PTPDC1: variants seen among roughly 807,000 people sequenced by gnomAD.
The protein encoded by PTPDC1 is protein tyrosine phosphatase domain containing 1.
In PTPDC1, 53 loss-of-function variants were observed where a neutral mutation model predicts 75.3. That is an observed-to-expected ratio of 0.70 (90% CI 0.56 to 0.88). The LOEUF (loss-of-function observed/expected upper bound fraction) is 0.88, where lower values mean the gene tolerates loss of function less well. Among genes scored for constraint, PTPDC1 ranks in the 40% least tolerant of loss-of-function variants. PTPDC1 has a pLI of 0.00. For missense variants in PTPDC1, 925 were observed against 998.6 expected (o/e 0.93, Z 0.99); for synonymous variants, 349 against 366.2 (o/e 0.95, Z 0.54).
Position 94,098,430 on chromosome 9 carries a change from A to G in PTPDC1, c.1864A>G (p.Ser622Gly), listed in dbSNP as rs1024244844. Reference sequence around the variant, plus strand: ...CTTGGTTGAACATGAAACCCAGGACAGTAAAGATCTGTCTGAAGCAGCTTC... The same window carrying G: ...CTTGGTTGAACATGAAACCCAGGACGGTAAAGATCTGTCTGAAGCAGCTTC... Reference protein sequence around the residue: ...QFLVEHETQDSKDLSEAASHS... With the variant: ...QFLVEHETQDGKDLSEAASHS... Residue 622 changes from serine to glycine, a missense_variant, in exon 6 of 9, where the codon AGT becomes GGT. Ser to Gly is a moderately conservative substitution (Grantham distance 56). Coordinates refer to ENST00000620992, the MANE Select transcript of PTPDC1 (RefSeq NM_001253829.2). 1.2e-6 allele frequency: 2 copies of G among 1,614,102 alleles called. No homozygotes were observed. Among genetic ancestry groups the G allele is most frequent in the African/African-American group, 2.7e-5 (2 of 74,928 alleles).
chr9:94,096,772 G>A (rs991892719), intron 5 of PTPDC1, among the ~76,000 whole-genome samples: 4 of 152,152 alleles, frequency 2.6e-5, no homozygotes, highest in African/African-American at 9.7e-5. Context: ...AGAAAAGTAG[G>A]CTGCAAATAT....
chr9:94,087,715 T>C (rs1410287678), intron 2 of PTPDC1, 116 bp from the exon 3 acceptor site: 1 of 703,296 alleles, frequency 1.4e-6, no homozygotes, highest in Non-Finnish European at 2.5e-6. Flanking sequence ...AAAAAGAATA[T>C]TCTAACAGAG....
At chr9:94,088,384 T>C in intron 4 of PTPDC1, 121 bp downstream of exon 4, 1 of 1,173,600 alleles carries the variant, frequency 8.5e-7, no homozygotes, top group South Asian at 1.7e-5. Context: ...ATAGTAAGGT[T>C]TAGAAAAAAT....
At chr9:94,070,336 C>CATAT (rs1826470089) in intron 2 of PTPDC1, among the ~76,000 whole-genome samples, 1 of 152,196 alleles carries the variant, frequency 6.6e-6, no homozygotes, top group Non-Finnish European at 1.5e-5. Flanking sequence ...GGCCCCACAG[C>CATAT]ATATGCCATG....
rs1353778992 is a variant in PTPDC1 at position 94,105,785 on chromosome 9, G to A, written c.2310+1400G>A. Among the ~76,000 whole-genome samples, 7 of 151,644 alleles carry A rather than the reference G, an allele frequency of 4.6e-5. No individual in the cohort carries two copies. In the South Asian group the frequency reaches 8.3e-4, roughly 18 times the overall value. On this transcript the variant is annotated intron_variant, in intron 8 of 8. Transcript: ENST00000620992. ...AGATCAAGACCATCCTGGATAACAT[G>A]GTGAAACCCCATCTCTACTAAAAAG...
Position 94,088,182 on chromosome 9 carries a change from G to C in PTPDC1, c.535G>C (p.Gly179Arg), listed in dbSNP as rs1320320966. Residue 179 changes from glycine to arginine, a missense_variant, in exon 4 of 9, where the codon GGT (glycine) becomes CGT (arginine). Transcript: ENST00000620992. ...IKTIINLQRP[G>R]EHASCGNPLE... ...AACAATAATCAACCTCCAGCGCCCT[G>C]GTGAGCATGCTAGCTGTGGGAACCC... 4.3e-6 allele frequency: 7 copies of C among 1,613,750 alleles called. No individual in the cohort carries two copies. Among genetic ancestry groups the C allele is most frequent in the Non-Finnish European group, 5.9e-6 (7 of 1,179,948 alleles).
At chr9:94,043,345 A>G (rs10429603) in intron 1 of PTPDC1, among the ~76,000 whole-genome samples, 96,235 of 151,808 alleles carry the variant, frequency 0.63, 31,986 homozygotes, top group African/African-American at 0.83. Context: ...ATACTTAGTT[A>G]CTATCTACAT....
At chr9:94,056,370 G>A (rs995743666) in intron 1 of PTPDC1, among the ~76,000 whole-genome samples, 2 of 152,034 alleles carry the variant, frequency 1.3e-5, no homozygotes, top group African/African-American at 4.8e-5. Context: ...CTTCTGCTAC[G>A]ATTGCTGTCT....
rs755406767 is a variant in PTPDC1, at chr9:94,097,578, C to T, written c.1012C>T (p.His338Tyr). The T allele has an allele frequency of 2.7e-5, 44 of 1,613,872 alleles. No homozygotes were observed. The highest frequency in any genetic ancestry group is 3.5e-5 in the Non-Finnish European group (41 of 1,180,044). Residue 338 changes from histidine (H) to tyrosine (Y), a missense_variant, in exon 6 of 9, where the codon CAC becomes TAC. Coordinates refer to ENST00000620992, the MANE Select transcript of PTPDC1 (RefSeq NM_001253829.2). ...TGGTTATGAGGCACGACTTCTGAAACACGTGCCAAAAATTATCCACCTAGT... is the reference window on the plus strand; with the variant it reads ...TGGTTATGAGGCACGACTTCTGAAATACGTGCCAAAAATTATCCACCTAGT... ...LHGYEARLLKHVPKIIHLVCK... is the reference protein window; with the variant it reads ...LHGYEARLLKYVPKIIHLVCK...
chr9:94,057,850 G>T (rs1283819570), intron 1 of PTPDC1, among the ~76,000 whole-genome samples: 1 of 152,204 alleles, frequency 6.6e-6, no homozygotes, highest in African/African-American at 2.4e-5. Flanking sequence ...CTGGGTTTGA[G>T]TTATTTGAAG....
chr9:94,044,605 T>C (rs955012754), intron 1 of PTPDC1, among the ~76,000 whole-genome samples: 7 of 152,328 alleles, frequency 4.6e-5, no homozygotes, highest in Admixed American at 3.9e-4. Flanking sequence ...GAAACTCACC[T>C]GTGCGGGAGT....
intron 1 of PTPDC1, among the ~76,000 whole-genome samples, chr9:94,035,747 C>T (rs1016357630): frequency 5.3e-5 from 8 of 152,094 alleles, no homozygotes; most frequent in African/African-American, 1.9e-4. Context: ...TTTGAGGAAA[C>T]TTTATACTGT....
At chr9:94,093,843 A>G (rs1827425706) in intron 4 of PTPDC1, among the ~76,000 whole-genome samples, 1 of 147,012 alleles carries the variant, frequency 6.8e-6, no homozygotes, top group Admixed American at 6.8e-5. Context: ...TTCATCTTCC[A>G]TTGCTGATAC....
intron 1 of PTPDC1, among the ~76,000 whole-genome samples, chr9:94,061,402 A>G (rs10117457): frequency 0.57 from 87,182 of 152,044 alleles, 25,376 homozygotes; most frequent in Admixed American, 0.69. Context: ...AGGGTCTGGA[A>G]GACAGTGGCC....
intron 1 of PTPDC1, among the ~76,000 whole-genome samples, chr9:94,039,283 T>G (rs533557440): frequency 6.6e-6 from 1 of 152,282 alleles, no homozygotes; most frequent in South Asian, 2.1e-4. Context: ...CTAAATGTCT[T>G]TATAGTCTAT....
At chr9:94,036,029 T>G (rs1037674081) in intron 1 of PTPDC1, among the ~76,000 whole-genome samples, 14 of 145,090 alleles carry the variant, frequency 9.6e-5, no homozygotes, top group African/African-American at 1.3e-4. Flanking sequence ...ATTTGTTTTT[T>G]TTTTTGTTTT....
intron 8 of PTPDC1, among the ~76,000 whole-genome samples, chr9:94,105,201 G>A (rs1262091485): frequency 6.6e-6 from 1 of 152,126 alleles, no homozygotes; most frequent in East Asian, 1.9e-4. Flanking sequence ...GGCCTTCCTT[G>A]TTCCTCATCT....
chr9:94,057,228 G>A (rs951865775), intron 1 of PTPDC1, among the ~76,000 whole-genome samples: 1 of 151,952 alleles, frequency 6.6e-6, no homozygotes, highest in Admixed American at 6.6e-5. Context: ...ACAGACATGT[G>A]CTACCATGCC....
At chr9:94,098,771 T>C (rs1054865528) in intron 6 of PTPDC1, 192 bp downstream of exon 6, 7 of 608,132 alleles carry the variant, frequency 1.2e-5, no homozygotes, top group Non-Finnish European at 2.0e-5. Context: ...GTTTGTATGG[T>C]TTCATTTAAA....
Sources: allele counts gnomAD v4.1 joint callset (sites outside exome capture counted in the v4.1 genomes callset), GRCh38; gene constraint gnomAD v4.1.1; transcripts MANE v1.5; gene names NCBI Gene and HGNC (gene_info 2026-07-23, HGNC 2026-07-21).